The following LIPI variants were observed in gnomAD, a reference collection of about 807,000 sequenced individuals.
LIPI encodes the protein lipase I.
Under a neutral mutation model 50.6 loss-of-function variants are expected in LIPI, and 59 were observed. That is an observed-to-expected ratio of 1.16 (90% CI 0.94 to 1.45). The LOEUF (loss-of-function observed/expected upper bound fraction) is 1.45. Ranked by LOEUF, LIPI falls within the 40% of genes most tolerant of loss-of-function variation. LIPI has a pLI of 0.00. For synonymous variants in LIPI, 203 were observed against 178.2 expected, an observed-to-expected ratio of 1.14 and a Z score of -1.11; for missense variants, 586 against 536.3, an observed-to-expected ratio of 1.09 and a Z score of -0.92.
In LIPI at chr21:14,183,043, C is replaced by T. The variant is rs549379657; in HGVS notation, c.542-1184G>A. On this transcript the variant is annotated intron_variant, in intron 3 of 9. Coordinates refer to ENST00000681601, the MANE Select transcript of LIPI (RefSeq NM_001302998.2). ...TCAATCCTAAGCCAAAAGAACAAAG[C>T]TGGAGGCATCATGCTACCTGACTTC... is the stretch of plus-strand genomic sequence containing the variant. Among the ~76,000 whole-genome samples, 33 of 151,984 alleles carry T rather than the reference C, an allele frequency of 2.2e-4. No homozygotes were observed. The South Asian group carries it at 3.3e-3, about 15-fold the overall frequency.
intron 9 of LIPI, among the ~76,000 whole-genome samples, chr21:14,115,760 C>A (rs559051912): frequency 8.5e-5 from 13 of 152,072 alleles, no homozygotes; most frequent in Non-Finnish European, 1.6e-4. Context: ...ACTACTGAAC[C>A]AAGGTAAGGT....
intron 9 of LIPI, among the ~76,000 whole-genome samples, chr21:14,137,696 A>G (rs960479047): frequency 6.6e-6 from 1 of 152,192 alleles, no homozygotes; most frequent in Non-Finnish European, 1.5e-5. Context: ...CTGATCCAAG[A>G]TAATAACAAA....
Position 14,147,623 on chromosome 21 carries a change from C to T in LIPI, c.1119-2824G>A, listed in dbSNP as rs548224008. Among the ~76,000 whole-genome samples the T allele has an allele frequency of 3.9e-5, 6 of 152,162 alleles. No individual in the cohort carries two copies. In the South Asian group the frequency reaches 6.2e-4, roughly 16 times the overall value. On this transcript the variant is annotated intron_variant, in intron 8 of 9. Coordinates refer to ENST00000681601, the MANE Select transcript of LIPI (RefSeq NM_001302998.2). ...GTATCCCCTATTCCTAGCACAGATC[C>T]GGGTCTATAGAAGAACTCAATAATT...
At chr21:14,195,858 C>T (rs1388849534) in intron 1 of LIPI, among the ~76,000 whole-genome samples, 1 of 152,054 alleles carries the variant, frequency 6.6e-6, no homozygotes, top group Non-Finnish European at 1.5e-5. Flanking sequence ...TACTCGACAT[C>T]ACTAGTCATC....
chr21:14,186,006 C>T lies in LIPI; in HGVS notation c.496G>A (p.Gly166Arg), dbSNP rs2019442037. 4 of 1,604,492 alleles carry T rather than the reference C, an allele frequency of 2.5e-6. No individual in the cohort carries two copies. Among genetic ancestry groups the T allele is most frequent in the Non-Finnish European group, 3.4e-6 (4 of 1,171,704 alleles). The change falls in exon 3 of 10, where the codon GGA becomes AGA. Residue 166 changes from glycine to arginine, a missense_variant. By Grantham distance (125) the Gly-to-Arg change is moderately radical. Coordinates refer to ENST00000681601, the MANE Select transcript of LIPI (RefSeq NM_001302998.2). ...IGVSLGAHIS[G>R]FVGKIFHGQL... ...CCATGAAATATCTTTCCAACAAATCCACTGATATGAGCCCCTAAGCTCACA... is the reference window on the plus strand; with the variant it reads ...CCATGAAATATCTTTCCAACAAATCTACTGATATGAGCCCCTAAGCTCACA...
At chr21:14,194,926 A>T (rs1353132464) in intron 1 of LIPI, among the ~76,000 whole-genome samples, 1 of 152,206 alleles carries the variant, frequency 6.6e-6, no homozygotes, top group Non-Finnish European at 1.5e-5. Flanking sequence ...AAACAACCAG[A>T]ACAGTGGATA....
rs1341457327 is a variant in LIPI, at chr21:14,169,456, G to C, written c.644-3005C>G. Among the ~76,000 whole-genome samples the C allele has an allele frequency of 3.3e-5, 5 of 152,166 alleles. No individual in the cohort carries two copies. The East Asian group carries it at 5.8e-4, about 18-fold the overall frequency. On this transcript the variant is annotated intron_variant, in intron 4 of 9. Transcript: ENST00000681601. ...CACCTATTCCAAAATTGACCACATA[G>C]TTGGAAGTAAAGCTCTCCTCAGCAA...
chr21:14,131,519 A>G (rs1438137261), intron 9 of LIPI, among the ~76,000 whole-genome samples: 1 of 152,204 alleles, frequency 6.6e-6, no homozygotes, highest in East Asian at 1.9e-4. Flanking sequence ...CAAAACCAAT[A>G]TATCCTACTC....
At chr21:14,144,390 G>A in intron 9 of LIPI, 1 of 356,746 alleles carries the variant, frequency 2.8e-6, no homozygotes, top group Non-Finnish European at 5.1e-6. Context: ...TTGTGTCTGT[G>A]AAATGATTGT....
chr21:14,186,844 C>T (rs192989665), intron 2 of LIPI, among the ~76,000 whole-genome samples: 19 of 152,240 alleles, frequency 1.2e-4, no homozygotes, highest in Admixed American at 6.5e-4. Context: ...GGAATTGGGC[C>T]CTCACCAGAC....
At chr21:14,137,373 A>C (rs1298899575) in intron 9 of LIPI, among the ~76,000 whole-genome samples, 2 of 152,134 alleles carry the variant, frequency 1.3e-5, no homozygotes, top group Admixed American at 1.3e-4. Flanking sequence ...CTATCAGATA[A>C]ATTTAACAAA....
In LIPI at chr21:14,156,996, G is replaced by A. The variant is rs1245045625; in HGVS notation, c.1007-4312C>T. On this transcript the variant is annotated intron_variant, in intron 7 of 9. Coordinates refer to ENST00000681601, the MANE Select transcript of LIPI (RefSeq NM_001302998.2). Reference sequence around the variant, plus strand: ...GTAGAAGAAGAATCCTCACTACATCGTGGCAGGTAGCTTAGTGGAATTATG... The same window carrying A: ...GTAGAAGAAGAATCCTCACTACATCATGGCAGGTAGCTTAGTGGAATTATG... 4.6e-5 allele frequency among the ~76,000 whole-genome samples: 7 copies of A among 151,816 alleles called. No individual in the cohort carries two copies. The South Asian group carries it at 1.2e-3, about 27-fold the overall frequency.
chr21:14,191,960 T>C (rs78063679), intron 1 of LIPI, among the ~76,000 whole-genome samples: 1,947 of 152,294 alleles, frequency 0.013, 35 homozygotes, highest in African/African-American at 0.044. Context: ...AGTCATTCAA[T>C]AGCCAGACAT....
intron 9 of LIPI, among the ~76,000 whole-genome samples, chr21:14,140,532 T>C (rs1385387515): frequency 1.3e-5 from 2 of 152,124 alleles, no homozygotes; most frequent in African/African-American, 2.4e-5. Context: ...TATTTTTCTT[T>C]CAGTTTCCTG....
rs553062714 is a variant in LIPI at position 14,128,339 on chromosome 21, T to TA, written c.1295+16283dup. Among the ~76,000 whole-genome samples the TA allele has an allele frequency of 4.7e-3, 718 of 152,118 alleles. 6 individuals are homozygous for TA. The highest frequency in any genetic ancestry group is 0.016 in the African/African-American group (683 of 41,546). On this transcript the variant is annotated intron_variant, in intron 9 of 9. Transcript: ENST00000681601. ...CTGTTATTTTTAAACTAGTAATAAC[T>TA]AAAAACAAAAGAAAAATAAAACAAG... is the stretch of plus-strand genomic sequence containing the variant.
intron 3 of LIPI, among the ~76,000 whole-genome samples, chr21:14,183,721 A>C (rs998173919): frequency 6.6e-6 from 1 of 152,218 alleles, no homozygotes; most frequent in African/African-American, 2.4e-5. Context: ...AAACACATGA[A>C]AAAATGCTCA....
intron 5 of LIPI, among the ~76,000 whole-genome samples, chr21:14,165,651 A>C (rs948737943): frequency 6.6e-6 from 1 of 150,876 alleles, no homozygotes; most frequent in Admixed American, 6.6e-5. Context: ...TCAGTGTTTC[A>C]CAAGCTCTAC....
chr21:14,145,174 T>A (rs1374881849), intron 8 of LIPI, among the ~76,000 whole-genome samples: 1 of 151,834 alleles, frequency 6.6e-6, no homozygotes, highest in Non-Finnish European at 1.5e-5. Context: ...CTTAAAAATA[T>A]TTTATCAAAT....
chr21:14,149,518 T>C (rs2018014712), intron 8 of LIPI, among the ~76,000 whole-genome samples: 1 of 152,176 alleles, frequency 6.6e-6, no homozygotes, highest in South Asian at 2.1e-4. Context: ...TCTTAACTCA[T>C]TCCAATATTC....
Sources: gnomAD v4.1 joint callset for allele counts (sites outside exome capture counted in the v4.1 genomes callset) on GRCh38, gnomAD v4.1.1 for gene constraint, MANE v1.5 for transcripts, NCBI Gene and HGNC (gene_info 2026-07-23, HGNC 2026-07-21) for gene names.